The following MED12L variants were observed in gnomAD, a reference collection of about 807,000 sequenced individuals.
The protein encoded by MED12L is mediator complex subunit 12L.
A neutral mutation model predicts 281.3 loss-of-function variants in MED12L; 60 were observed. The observed-to-expected ratio is 0.21, with a 90% CI of 0.17 to 0.26. MED12L has a LOEUF of 0.26. Ranked by LOEUF, MED12L falls within the 10% of genes least tolerant of loss-of-function variation. The pLI is 1.00. For missense variants in MED12L, 2,146 were observed against 2,680.9 expected (o/e 0.80, Z 4.41); for synonymous variants, 974 against 987.2 (o/e 0.99, Z 0.25).
intron 4 of MED12L, among the ~76,000 whole-genome samples, chr3:151,123,310 G>A (rs953805992): frequency 5.9e-5 from 9 of 152,154 alleles, no homozygotes; most frequent in African/African-American, 9.7e-5. Context: ...TCCAAGATTT[G>A]TTAAAAAGAT....
chr3:151,421,222 C>T (rs138885008), intron 43 of MED12L, among the ~76,000 whole-genome samples: 29 of 152,182 alleles, frequency 1.9e-4, no homozygotes, highest in African/African-American at 6.5e-4. Context: ...ATGGGTGATC[C>T]TATCCACTTG....
Position 151,434,098 on chromosome 3 carries a change from T to C in MED12L, c.*1294T>C, listed in dbSNP as rs1225693095. 1 of 152,210 alleles carries C rather than the reference T, an allele frequency of 6.6e-6. No individual in the cohort carries two copies. The highest frequency in any genetic ancestry group is 1.5e-5 in the Non-Finnish European group (1 of 67,892). 9.4% of individuals were successfully genotyped at this position (152,210 alleles called of 1,614,324 possible). A position where few individuals can be genotyped will look rare whatever the true frequency, so the allele number is the denominator to read the frequency against. ...GAAAATTGCAGGGCATTTTAAAACA[T>C]ATGTGGGGGATATTTTCCCATGTTC... On this transcript the variant is annotated 3_prime_UTR_variant, in exon 45 of 45. Coordinates refer to ENST00000687756, the MANE Select transcript of MED12L (RefSeq NM_001393769.1).
intron 17 of MED12L, among the ~76,000 whole-genome samples, chr3:151,351,422 G>A (rs529497219): frequency 6.6e-6 from 1 of 152,254 alleles, no homozygotes; most frequent in East Asian, 1.9e-4. Flanking sequence ...CCCAGTTAAG[G>A]GCTTTGAAAT....
At chr3:151,337,740 T>C in intron 16 of MED12L, 1 of 1,436,230 alleles carries the variant, frequency 7.0e-7, no homozygotes, top group Non-Finnish European at 9.7e-7. Context: ...TCTTCGTCAG[T>C]TAATATTTTT....
chr3:151,151,444 T>C (rs1718498697), intron 5 of MED12L, among the ~76,000 whole-genome samples: 2 of 152,106 alleles, frequency 1.3e-5, no homozygotes, highest in Non-Finnish European at 2.9e-5. Context: ...TTAACATGCC[T>C]TCCTCGCTGA....
intron 16 of MED12L, chr3:151,295,083 C>T (rs1238230399): frequency 1.2e-6 from 2 of 1,613,636 alleles, no homozygotes; most frequent in South Asian, 2.2e-5. Flanking sequence ...AAGATGCTTG[C>T]CACAAATATA....
At chr3:151,152,062 G>A in intron 5 of MED12L, among the ~76,000 whole-genome samples, 1 of 133,286 alleles carries the variant, frequency 7.5e-6, no homozygotes, top group South Asian at 2.7e-4. Flanking sequence ...AATTCATTAA[G>A]AATTGTGGAT....
Position 151,188,356 on chromosome 3 carries a change from A to G in MED12L, c.1629A>G (p.Arg543=), listed in dbSNP as rs765137556. ...TGTTATTTATTTTTAATCTGTAGAG[A>G]TGTGGTGAATCAGAAGTCTTAGATG... ...EKRQAEIEAE[R]CGESEVLDEK... The change falls in exon 13 of 45, where the codon AGA becomes AGG. Residue 543 remains arginine (R), a splice_region_variant and synonymous_variant. Coordinates refer to ENST00000687756, the MANE Select transcript of MED12L (RefSeq NM_001393769.1). The G allele has an allele frequency of 3.8e-6, 6 of 1,597,498 alleles. No individual in the cohort carries two copies. The highest frequency in any genetic ancestry group is 5.1e-6 in the Non-Finnish European group (6 of 1,165,250).
chr3:151,090,514 T>A (rs1252848430), intron 2 of MED12L, among the ~76,000 whole-genome samples: 1 of 152,224 alleles, frequency 6.6e-6, no homozygotes, highest in Non-Finnish European at 1.5e-5. Context: ...ACCTGGCACC[T>A]GCACAATTAG....
At chr3:151,281,549 G>T (rs1318745402) in intron 16 of MED12L, among the ~76,000 whole-genome samples, 1 of 152,128 alleles carries the variant, frequency 6.6e-6, no homozygotes, top group Non-Finnish European at 1.5e-5. Flanking sequence ...AGAGGGCCTG[G>T]TCCTTGTGTG....
At chr3:151,186,353 T>C (rs1226660812) in intron 12 of MED12L, among the ~76,000 whole-genome samples, 1 of 152,154 alleles carries the variant, frequency 6.6e-6, no homozygotes, top group Non-Finnish European at 1.5e-5. Flanking sequence ...CAACTGCCGA[T>C]CTTTTCGAAA....
At chr3:151,340,706 A>G (rs1488053612) in intron 16 of MED12L, 1 of 152,608 alleles carries the variant, frequency 6.6e-6, no homozygotes, top group Non-Finnish European at 1.5e-5. Flanking sequence ...TTAGTTGCCA[A>G]ACCTCTTTGT....
chr3:151,200,794 C>T (rs2149147720), intron 16 of MED12L: 1 of 152,338 alleles, frequency 6.6e-6, no homozygotes, highest in South Asian at 2.1e-4. Flanking sequence ...GTATCTGGCA[C>T]TATGCCAAAT....
intron 2 of MED12L, among the ~76,000 whole-genome samples, chr3:151,089,905 G>A (rs781381542): frequency 2.6e-5 from 4 of 152,128 alleles, no homozygotes; most frequent in East Asian, 3.8e-4. Context: ...ATCCATCAGC[G>A]TCTCTACATC....
intron 16 of MED12L, among the ~76,000 whole-genome samples, chr3:151,304,446 C>T (rs1314767139): frequency 6.6e-6 from 1 of 152,066 alleles, no homozygotes; most frequent in African/African-American, 2.4e-5. Flanking sequence ...TGGCAGCGTG[C>T]ACCTGTGGTC....
intron 8 of MED12L, among the ~76,000 whole-genome samples, chr3:151,160,776 A>T (rs1459882141): frequency 6.6e-6 from 1 of 152,230 alleles, no homozygotes; most frequent in Non-Finnish European, 1.5e-5. Flanking sequence ...GTTTCCAAAT[A>T]ATATGACAAG....
chr3:151,428,568 G>A (rs568978984), intron 43 of MED12L, among the ~76,000 whole-genome samples: 5 of 152,076 alleles, frequency 3.3e-5, no homozygotes, highest in Admixed American at 6.6e-5. Context: ...TGGCAGTACC[G>A]GATATTACAG....
At chr3:151,371,432 G>T (rs950910048) in intron 26 of MED12L, among the ~76,000 whole-genome samples, 1 of 152,192 alleles carries the variant, frequency 6.6e-6, no homozygotes, top group Non-Finnish European at 1.5e-5. Flanking sequence ...TGTGGGTAAA[G>T]TGAAGCTGGT....
chr3:151,291,446 A>C (rs1464676758), intron 16 of MED12L, among the ~76,000 whole-genome samples: 1 of 152,176 alleles, frequency 6.6e-6, no homozygotes, highest in African/African-American at 2.4e-5. Context: ...CTACAAGATC[A>C]GTTTCTCTGA....
Sources: gnomAD v4.1 joint callset for allele counts (sites outside exome capture counted in the v4.1 genomes callset) on GRCh38, gnomAD v4.1.1 for gene constraint, MANE v1.5 for transcripts, NCBI Gene and HGNC (gene_info 2026-07-23, HGNC 2026-07-21) for gene names.